PSEN2: variants seen among roughly 807,000 people sequenced by gnomAD.
PSEN2 encodes presenilin 2, also known as presenilin-2.
PSEN2 carries 32 observed loss-of-function variants against 49.1 expected under a neutral mutation model. The ratio of observed to expected loss-of-function variants is 0.65; its 90% CI spans 0.49 to 0.88. The LOEUF (loss-of-function observed/expected upper bound fraction) is 0.88, where lower values mean the gene tolerates loss of function less well. Ranked by LOEUF, PSEN2 falls within the 40% of genes least tolerant of loss-of-function variation. The pLI is 0.00. For synonymous variants in PSEN2, 255 were observed against 244.0 expected (o/e 1.05, Z -0.42); for missense variants, 522 against 586.9 (o/e 0.89, Z 1.14).
chr1:226,900,847 A>G (rs2102704364), downstream of PSEN2, among the ~76,000 whole-genome samples: 1 of 152,324 alleles, frequency 6.6e-6, no homozygotes, highest in Non-Finnish European at 1.5e-5. Context: ...AGTAACAGTG[A>G]CAGTAGCAAA....
At position 226,891,300 on chromosome 1, in the gene PSEN2, C is replaced by T; in HGVS notation, c.909C>T (p.Gly303=). Residue 303 remains glycine (G), a synonymous_variant, in exon 10 of 13, where the codon GGC becomes GGT. Coordinates refer to ENST00000366783, the MANE Select transcript of PSEN2 (RefSeq NM_000447.3). ...CAGCTGCCATGGTGTGGACGGTTGG[C>T]ATGGCGAAGCTGGACCCCTCCTCTC... is the stretch of plus-strand genomic sequence containing the variant. ...IYSSAMVWTV[G]MAKLDPSSQG... is the part of the protein sequence containing the mutation. 6.2e-7 allele frequency: 1 copy of T among 1,613,946 alleles called. No homozygotes were observed. The highest frequency in any genetic ancestry group is 1.7e-5 in the Admixed American group (1 of 60,008).
At chr1:226,887,577 G>T (rs1365044162) in intron 6 of PSEN2, among the ~76,000 whole-genome samples, 1 of 152,108 alleles carries the variant, frequency 6.6e-6, no homozygotes, top group Non-Finnish European at 1.5e-5. Context: ...GACTTCCCAG[G>T]TTCTCTGTTG....
At chr1:226,892,359 C>T (rs151212920) in intron 11 of PSEN2, among the ~76,000 whole-genome samples, 304 of 152,222 alleles carry the variant, frequency 2.0e-3, no homozygotes, top group Non-Finnish European at 3.5e-3. Context: ...CAGAGGAAGC[C>T]GGGGCGGGAT....
chr1:226,891,795 G>A lies in PSEN2; in HGVS notation c.1023G>A (p.Glu341=), dbSNP rs199881176. Residue 341 remains glutamate, a synonymous_variant, in exon 11 of 13, where the codon GAG becomes GAA. Coordinates refer to ENST00000366783, the MANE Select transcript of PSEN2 (RefSeq NM_000447.3). ...FGEPSYPEVF[E]PPLTGYPGEE... is the part of the protein sequence containing the mutation. ...AGCCTTCATACCCCGAAGTCTTTGA[G>A]CCTCCCTTGACTGGCTACCCAGGGG... 21 of 1,614,040 alleles carry A rather than the reference G, an allele frequency of 1.3e-5. No individual in the cohort carries two copies. In the Middle Eastern group the frequency reaches 8.2e-4, roughly 63 times the overall value.
At chr1:226,873,193 G>A (rs529960232) in intron 2 of PSEN2, among the ~76,000 whole-genome samples, 5 of 151,712 alleles carry the variant, frequency 3.3e-5, no homozygotes, top group Admixed American at 1.3e-4. Flanking sequence ...AAAAAAAATG[G>A]TTTCACATCA....
rs751577358 is a variant in PSEN2, at chr1:226,888,852, T to A, written c.590T>A (p.Val197Glu). The A allele has an allele frequency of 6.2e-7, 1 of 1,614,078 alleles. No individual in the cohort carries two copies. Among genetic ancestry groups the A allele is most frequent in the East Asian group, 2.2e-5 (1 of 44,896 alleles). The change falls in exon 8 of 13, where the codon GTG becomes GAG. Residue 197 changes from valine to glutamate, a missense_variant. Coordinates refer to ENST00000366783, the MANE Select transcript of PSEN2 (RefSeq NM_000447.3). ...YLGEVLKTYN[V>E]AMDYPTLLLT... is the part of the protein sequence containing the mutation. ...AGGGAAGTGCTCAAGACCTACAATG[T>A]GGCCATGGACTACCCCACCCTCTTG...
chr1:226,885,015 C>T (rs547938061), intron 5 of PSEN2, among the ~76,000 whole-genome samples: 1 of 152,290 alleles, frequency 6.6e-6, no homozygotes, highest in South Asian at 2.1e-4. Flanking sequence ...GGAGAGAATG[C>T]AGCCAGCGGT....
chr1:226,894,179 T>A, intron 12 of PSEN2, 54 bp downstream of exon 12: 1 of 1,314,048 alleles, frequency 7.6e-7, no homozygotes, highest in Non-Finnish European at 1.1e-6. Flanking sequence ...CCCAGGGTCC[T>A]CATTGTGGTG....
Position 226,870,656 on chromosome 1 carries a change from G to C in PSEN2, c.-350+7G>C, listed in dbSNP as rs540458381. ...GAGCGCGGCGGCAGAGCAGGTGAGC[G>C]GGCGGTGCCGGGGGGTGCCCAGGCC... is the stretch of plus-strand genomic sequence containing the variant. On this transcript the variant is annotated splice_region_variant and intron_variant, in intron 1 of 12. Coordinates refer to ENST00000366783, the MANE Select transcript of PSEN2 (RefSeq NM_000447.3). 5.3e-5 allele frequency: 8 copies of C among 152,292 alleles called. No homozygotes were observed. The East Asian group carries it at 1.2e-3, about 22-fold the overall frequency. The allele number at this position is 152,292 out of a possible 1,614,324, so 9.4% of individuals were successfully genotyped here.
intron 2 of PSEN2, among the ~76,000 whole-genome samples, chr1:226,871,885 A>G (rs2102645275): frequency 6.6e-6 from 1 of 152,358 alleles, no homozygotes; most frequent in Middle Eastern, 3.4e-3. Flanking sequence ...TCTTGGCCCC[A>G]CCTCAGAGCT....
At chr1:226,880,497 G>T in intron 3 of PSEN2, 8 of 1,505,592 alleles carry the variant, frequency 5.3e-6, no homozygotes, top group Non-Finnish European at 7.1e-6. Flanking sequence ...GAGGGTCTCT[G>T]GACAGCGATC....
chr1:226,903,299 T>C (rs1255440646), intron 12 of PSEN2, among the ~76,000 whole-genome samples: 11 of 152,222 alleles, frequency 7.2e-5, no homozygotes, highest in African/African-American at 2.7e-4. Context: ...CTTTGTGTTC[T>C]AGCAGACAGC....
chr1:226,893,615 T>C (rs1558153737), intron 11 of PSEN2, among the ~76,000 whole-genome samples: 1 of 152,242 alleles, frequency 6.6e-6, no homozygotes, highest in South Asian at 2.1e-4. Context: ...TATGGGCTTT[T>C]GAATGTACTG....
At chr1:226,900,526 C>T (rs1443745502), downstream of PSEN2, among the ~76,000 whole-genome samples, 1 of 152,184 alleles carries the variant, frequency 6.6e-6, no homozygotes, top group Non-Finnish European at 1.5e-5. Flanking sequence ...TGGTCACCCG[C>T]TGAGAAGGAA....
chr1:226,876,646 A>G (rs1313751400), intron 3 of PSEN2, among the ~76,000 whole-genome samples: 1 of 152,234 alleles, frequency 6.6e-6, no homozygotes, highest in African/African-American at 2.4e-5. Flanking sequence ...TTATATACAT[A>G]CATTTTATAA....
intron 4 of PSEN2, among the ~76,000 whole-genome samples, chr1:226,882,929 C>T (rs185076251): frequency 2.6e-5 from 4 of 152,332 alleles, no homozygotes; most frequent in African/African-American, 9.6e-5. Context: ...TGCAGAGAAC[C>T]GGTACTGAAG....
intron 9 of PSEN2, 71 bp from the exon 10 acceptor site, chr1:226,891,207 C>T: frequency 7.3e-7 from 1 of 1,370,928 alleles, no homozygotes; most frequent in South Asian, 1.2e-5. Flanking sequence ...GCAGACTGGC[C>T]ACCTCCCCCA....
At chr1:226,896,694 C>CA (rs1001395107), downstream of PSEN2, among the ~76,000 whole-genome samples, 76 of 150,940 alleles carry the variant, frequency 5.0e-4, 1 homozygote, top group Admixed American at 3.0e-3. Context: ...AGACTTTGTA[C>CA]AAAAAAAAAT....
At chr1:226,887,522 A>G (rs1191933069) in intron 6 of PSEN2, among the ~76,000 whole-genome samples, 1 of 152,112 alleles carries the variant, frequency 6.6e-6, no homozygotes, top group East Asian at 1.9e-4. Flanking sequence ...GAGAAGAGGA[A>G]CAGGTCTTTC....
Sources: allele counts gnomAD v4.1 joint callset (sites outside exome capture counted in the v4.1 genomes callset), GRCh38; gene constraint gnomAD v4.1.1; transcripts MANE v1.5; gene names NCBI Gene and HGNC (gene_info 2026-07-23, HGNC 2026-07-21).